Variants in ITSN1 observed in about 807,000 individuals in gnomAD.
The protein encoded by ITSN1 is intersectin 1, also known as intersectin-1.
In ITSN1, 58 loss-of-function variants were observed where a neutral mutation model predicts 239.8. The observed-to-expected ratio is 0.24, with a 90% confidence interval of 0.20 to 0.30. The LOEUF is 0.30. Among genes scored for constraint, ITSN1 ranks in the 10% least tolerant of loss-of-function variants. ITSN1 has a pLI of 1.00. For missense variants in ITSN1, 1,558 were observed against 2,103.3 expected, an observed-to-expected ratio of 0.74 and a Z score of 5.07; for synonymous variants, 780 against 770.8, an observed-to-expected ratio of 1.01 and a Z score of -0.20.
At chr21:33,885,382 A>G (rs1349166274) in intron 37 of ITSN1, 57 bp from the exon 38 acceptor site, 1 of 1,467,050 alleles carries the variant, frequency 6.8e-7, no homozygotes, top group Middle Eastern at 1.7e-4. Flanking sequence ...GCTCACAGAG[A>G]TGGGAAAGGT....
At chr21:33,834,229 A>G (rs2148393601) in intron 27 of ITSN1, 78 bp from the exon 28 acceptor site, 1 of 981,552 alleles carries the variant, frequency 1.0e-6, no homozygotes. Context: ...AGCTTTACAT[A>G]AGTGCTCTGT....
intron 34 of ITSN1, among the ~76,000 whole-genome samples, chr21:33,879,607 C>T (rs1181382082): frequency 6.6e-6 from 1 of 152,224 alleles, no homozygotes; most frequent in East Asian, 1.9e-4. Context: ...AGGGCCCTTC[C>T]CCGACTCTGA....
At chr21:33,644,467 T>C (rs1454352465) in intron 1 of ITSN1, among the ~76,000 whole-genome samples, 1 of 152,194 alleles carries the variant, frequency 6.6e-6, no homozygotes, top group Non-Finnish European at 1.5e-5. Context: ...ATGCTTCTGT[T>C]GAAATTGCTA....
intron 33 of ITSN1, among the ~76,000 whole-genome samples, chr21:33,868,870 T>TG (rs1407546909): frequency 6.6e-6 from 1 of 152,108 alleles, no homozygotes; most frequent in Non-Finnish European, 1.5e-5. Flanking sequence ...GCCAGCACGC[T>TG]GTCACCTCTC....
intron 29 of ITSN1, among the ~76,000 whole-genome samples, chr21:33,855,890 C>T (rs933885717): frequency 6.6e-6 from 1 of 152,248 alleles, no homozygotes; most frequent in Non-Finnish European, 1.5e-5. Context: ...CACCCTGCAT[C>T]TGCCTGGTCC....
chr21:33,706,384 A>C (rs1280898555), intron 1 of ITSN1, among the ~76,000 whole-genome samples: 1 of 152,096 alleles, frequency 6.6e-6, no homozygotes, highest in African/African-American at 2.4e-5. Flanking sequence ...CTTATATGAA[A>C]TTTAAAATGA....
chr21:33,850,103 A>G (rs1172634285), intron 29 of ITSN1, among the ~76,000 whole-genome samples: 1 of 152,228 alleles, frequency 6.6e-6, no homozygotes, highest in Non-Finnish European at 1.5e-5. Context: ...GTGCATATTT[A>G]TGGAAAATTA....
intron 1 of ITSN1, among the ~76,000 whole-genome samples, chr21:33,661,312 G>A (rs1285722981): frequency 1.3e-5 from 2 of 152,034 alleles, no homozygotes; most frequent in Non-Finnish European, 2.9e-5. Flanking sequence ...ATTGTTGTTT[G>A]GTGTAGCACA....
intron 8 of ITSN1, among the ~76,000 whole-genome samples, chr21:33,759,125 T>C (rs150084869): frequency 6.6e-6 from 1 of 152,346 alleles, no homozygotes; most frequent in East Asian, 1.9e-4. Flanking sequence ...AGGTCATATG[T>C]TCTCTGCTGC....
chr21:33,725,413 C>T (rs946268489), intron 4 of ITSN1, among the ~76,000 whole-genome samples: 1 of 151,906 alleles, frequency 6.6e-6, no homozygotes, highest in Non-Finnish European at 1.5e-5. Context: ...GGATTACAGG[C>T]GTGAGTCACT....
intron 5 of ITSN1, among the ~76,000 whole-genome samples, chr21:33,742,347 G>A (rs535757408): frequency 9.2e-5 from 14 of 152,286 alleles, no homozygotes; most frequent in East Asian, 1.9e-4. Flanking sequence ...GAGCCACCGC[G>A]CCTGGCCCTA....
Position 33,829,659 on chromosome 21 carries a change from G to C in ITSN1, c.3265G>C (p.Gly1089Arg), listed in dbSNP as rs760108413. 1.2e-6 allele frequency: 2 copies of C among 1,612,380 alleles called. No individual in the cohort carries two copies. Among genetic ancestry groups the C allele is most frequent in the Non-Finnish European group, 1.7e-6 (2 of 1,179,926 alleles). The change falls in exon 27 of 40, where the codon GGC becomes CGC. Residue 1089 changes from glycine to arginine, a missense_variant. By Grantham distance (125) the Gly-to-Arg change is moderately radical (BLOSUM62 -2). Coordinates refer to ENST00000381318, the MANE Select transcript of ITSN1 (RefSeq NM_003024.3). ...AQVIASYTATGPEQLTLAPGQ... is the reference protein window; with the variant it reads ...AQVIASYTATRPEQLTLAPGQ... ...GGTTATTGCCTCATACACCGCCACCGGCCCCGAGCAGCTCACTCTCGCCCC... is the reference window on the plus strand; with the variant it reads ...GGTTATTGCCTCATACACCGCCACCCGCCCCGAGCAGCTCACTCTCGCCCC...
intron 17 of ITSN1, among the ~76,000 whole-genome samples, chr21:33,794,978 G>A (rs2071420848): frequency 6.6e-6 from 1 of 152,180 alleles, no homozygotes; most frequent in Non-Finnish European, 1.5e-5. Flanking sequence ...TTTGTTTGAA[G>A]ATTTATTTGT....
chr21:33,808,113 G>A (rs964912352), intron 20 of ITSN1, among the ~76,000 whole-genome samples: 2 of 151,916 alleles, frequency 1.3e-5, no homozygotes, highest in African/African-American at 2.4e-5. Context: ...CATGAACCCG[G>A]GAAGCGGAGC....
intron 1 of ITSN1, among the ~76,000 whole-genome samples, chr21:33,676,703 G>A (rs1254370629): frequency 6.6e-6 from 1 of 152,130 alleles, no homozygotes; most frequent in Non-Finnish European, 1.5e-5. Flanking sequence ...TATAAAGTTG[G>A]AAAAAGCCAC....
At chr21:33,674,152 T>G (rs548772404) in intron 1 of ITSN1, among the ~76,000 whole-genome samples, 1 of 152,376 alleles carries the variant, frequency 6.6e-6, no homozygotes, top group South Asian at 2.1e-4. Context: ...TTGCCATGTC[T>G]CTAGGACTCA....
At chr21:33,736,331 A>G (rs2066499619) in intron 5 of ITSN1, among the ~76,000 whole-genome samples, 1 of 152,228 alleles carries the variant, frequency 6.6e-6, no homozygotes, top group African/African-American at 2.4e-5. Context: ...AAGCTAAGAT[A>G]CAGAAATACT....
At chr21:33,781,013 C>T (rs750911926) in intron 14 of ITSN1, among the ~76,000 whole-genome samples, 3 of 152,282 alleles carry the variant, frequency 2.0e-5, no homozygotes, top group Non-Finnish European at 4.4e-5. Flanking sequence ...TTCAGGTATA[C>T]GGTAAACCTA....
At chr21:33,717,417 G>A (rs888848889) in intron 1 of ITSN1, among the ~76,000 whole-genome samples, 12 of 151,896 alleles carry the variant, frequency 7.9e-5, no homozygotes, top group African/African-American at 2.9e-4. Context: ...GGCTGATCTT[G>A]AACTCTTGGA....
Sources: allele counts gnomAD v4.1 joint callset (sites outside exome capture counted in the v4.1 genomes callset), GRCh38; gene constraint gnomAD v4.1.1; transcripts MANE v1.5; gene names NCBI Gene and HGNC (gene_info 2026-07-23, HGNC 2026-07-21).